Variants in SGCG observed in about 807,000 individuals in gnomAD.
The protein encoded by SGCG is sarcoglycan gamma.
Under a neutral mutation model 29.3 loss-of-function variants are expected in SGCG, and 26 were observed. That is an observed-to-expected ratio of 0.89 (90% CI 0.65 to 1.23). The LOEUF (loss-of-function observed/expected upper bound fraction) is 1.23, where lower values mean the gene tolerates loss of function less well. Among genes scored for constraint, SGCG ranks in the 50% most tolerant of loss-of-function variants. SGCG has a pLI of 0.00. For missense variants in SGCG, 353 were observed against 356.0 expected, an observed-to-expected ratio of 0.99 and a Z score of 0.07; for synonymous variants, 145 against 129.7, an observed-to-expected ratio of 1.12 and a Z score of -0.80.
chr13:23,282,199 C>G (rs1358712602), intron 5 of SGCG, among the ~76,000 whole-genome samples: 1 of 152,146 alleles, frequency 6.6e-6, no homozygotes, highest in Non-Finnish European at 1.5e-5. Flanking sequence ...TAATGGCTTC[C>G]TTACATTTTG....
At chr13:23,267,901 C>T (rs1880700890) in intron 4 of SGCG, 1 of 152,196 alleles carries the variant, frequency 6.6e-6, no homozygotes, top group South Asian at 2.1e-4. Flanking sequence ...GTAGATGCCA[C>T]AGGGAGGAGA....
intron 1 of SGCG, among the ~76,000 whole-genome samples, chr13:23,196,091 T>G (rs574140108): frequency 5.3e-5 from 8 of 152,220 alleles, no homozygotes; most frequent in African/African-American, 1.4e-4. Flanking sequence ...TTTAACATTA[T>G]ATCACTAGAA....
chr13:23,304,481 C>T (rs1882287738), intron 6 of SGCG, among the ~76,000 whole-genome samples: 1 of 152,034 alleles, frequency 6.6e-6, no homozygotes, highest in Non-Finnish European at 1.5e-5. Flanking sequence ...ATTTGAAATA[C>T]AACCTTTACC....
intron 4 of SGCG, among the ~76,000 whole-genome samples, chr13:23,254,548 G>A (rs1880104513): frequency 6.6e-6 from 1 of 152,128 alleles, no homozygotes; most frequent in Non-Finnish European, 1.5e-5. Context: ...AAGGGAAGCA[G>A]AGTGGAAAAG....
At chr13:23,186,075 C>G (rs1455304190) in intron 1 of SGCG, among the ~76,000 whole-genome samples, 3 of 152,130 alleles carry the variant, frequency 2.0e-5, no homozygotes, top group African/African-American at 7.2e-5. Context: ...GATACTTACC[C>G]ATCCTTTTTC....
chr13:23,265,230 T>C (rs1398078612), intron 4 of SGCG, among the ~76,000 whole-genome samples: 2 of 151,588 alleles, frequency 1.3e-5, no homozygotes, highest in Non-Finnish European at 2.9e-5. Flanking sequence ...ATCTGGAATC[T>C]ACGAGGAAAT....
chr13:23,167,189 T>C, the SGCG span, among the ~76,000 whole-genome samples: 1 of 152,250 alleles, frequency 6.6e-6, no homozygotes, highest in African/African-American at 2.4e-5. Flanking sequence ...CTTAACATAA[T>C]GTTCTCCTGT....
At chr13:23,274,499 TGCAAGC>T (rs1345244570) in intron 4 of SGCG, among the ~76,000 whole-genome samples, 5 of 142,020 alleles carry the variant, frequency 3.5e-5, no homozygotes, top group African/African-American at 5.3e-5. Flanking sequence ...ACCCCCCAGG[TGCAAGC>T]TCCACCCCCC....
At chr13:23,222,437 TGA>T (rs10559352) in intron 2 of SGCG, among the ~76,000 whole-genome samples, 1 of 151,842 alleles carries the variant, frequency 6.6e-6, no homozygotes, top group Non-Finnish European at 1.5e-5. Flanking sequence ...ATGTATGATG[TGA>T]GAGAGATTAT....
At chr13:23,178,157 G>GT (rs1353979838), upstream of SGCG, among the ~76,000 whole-genome samples, 1 of 152,190 alleles carries the variant, frequency 6.6e-6, no homozygotes, top group Admixed American at 6.5e-5. Context: ...GCAGTCCCTA[G>GT]GTGTGTAGGA....
At chr13:23,161,432 T>C in the SGCG span, among the ~76,000 whole-genome samples, 1 of 152,214 alleles carries the variant, frequency 6.6e-6, no homozygotes, top group African/African-American at 2.4e-5. Flanking sequence ...TCCATGTATA[T>C]CCGTACTATT....
intron 6 of SGCG, among the ~76,000 whole-genome samples, chr13:23,319,033 C>T (rs1256662476): frequency 6.6e-6 from 1 of 152,178 alleles, no homozygotes. Context: ...GGCGTGGTGG[C>T]TCACGCCTGT....
intron 3 of SGCG, among the ~76,000 whole-genome samples, chr13:23,249,013 C>A (rs12020927): frequency 0.6 from 63,115 of 105,210 alleles, 16,430 homozygotes; most frequent in East Asian, 0.77. Context: ...AAAAAAAAAA[C>A]AAACCTCAAT....
intron 6 of SGCG, among the ~76,000 whole-genome samples, chr13:23,308,860 G>C (rs1325332962): frequency 6.6e-6 from 1 of 151,970 alleles, no homozygotes. Flanking sequence ...TACCATGCCT[G>C]GACTGTTTTT....
At chr13:23,198,866 T>G (rs976433432) in intron 1 of SGCG, among the ~76,000 whole-genome samples, 3 of 136,640 alleles carry the variant, frequency 2.2e-5, no homozygotes, top group East Asian at 4.3e-4. Flanking sequence ...AAAAAAAATT[T>G]GGGAGGCCGA....
intron 2 of SGCG, among the ~76,000 whole-genome samples, chr13:23,205,497 A>G (rs1315542509): frequency 6.6e-6 from 1 of 152,222 alleles, no homozygotes; most frequent in African/African-American, 2.4e-5. Flanking sequence ...CACGTGCTGA[A>G]CAAGGACAGA....
intron 2 of SGCG, 39 bp downstream of exon 2, chr13:23,203,928 T>G: frequency 1.4e-6 from 2 of 1,382,162 alleles, no homozygotes; most frequent in African/African-American, 2.8e-5. Flanking sequence ...GTTCTTGTTT[T>G]GTTCACTGTA....
At chr13:23,247,388 A>G (rs1879755752) in intron 3 of SGCG, among the ~76,000 whole-genome samples, 1 of 152,200 alleles carries the variant, frequency 6.6e-6, no homozygotes, top group Admixed American at 6.5e-5. Context: ...GTACAATGGG[A>G]TGGGAGGAAG....
At chr13:23,232,323 C>T (rs17078504) in intron 2 of SGCG, among the ~76,000 whole-genome samples, 2,692 of 152,248 alleles carry the variant, frequency 0.018, 76 homozygotes, top group African/African-American at 0.061. Flanking sequence ...CTGATGATGT[C>T]TTTGAAAGTA....
Sources: allele counts gnomAD v4.1 joint callset (sites outside exome capture counted in the v4.1 genomes callset), GRCh38; gene constraint gnomAD v4.1.1; transcripts MANE v1.5; gene names NCBI Gene and HGNC (gene_info 2026-07-23, HGNC 2026-07-21).